The following PGBD2 variants were observed in gnomAD, a reference collection of about 807,000 sequenced individuals.
PGBD2 encodes the protein piggyBac transposable element derived 2.
PGBD2 carries 6 observed loss-of-function variants against 8.1 expected under a neutral mutation model. The observed-to-expected ratio is 0.74, with a 90% confidence interval of 0.40 to 1.46. The LOEUF is 1.46. Ranked by LOEUF, PGBD2 falls within the 40% of genes most tolerant of loss-of-function variation. PGBD2 has a pLI of 0.02. For missense variants in PGBD2, 802 were observed against 739.0 expected, an observed-to-expected ratio of 1.09 and a Z score of -0.99; for synonymous variants, 318 against 272.2, an observed-to-expected ratio of 1.17 and a Z score of -1.66.
At chr1:248,902,774 A>T (rs1661557181), upstream of PGBD2, among the ~76,000 whole-genome samples, 1 of 152,040 alleles carries the variant, frequency 6.6e-6, no homozygotes, top group Admixed American at 6.5e-5. Flanking sequence ...ACATGTTCTC[A>T]CTTATAAGTG....
intron 1 of PGBD2, 135 bp downstream of exon 1, chr1:248,906,477 G>A (rs1041675841): frequency 3.3e-5 from 5 of 151,822 alleles, no homozygotes; most frequent in African/African-American, 1.2e-4. Context: ...GTGGGCTGGC[G>A]GGACCAGGAC....
chr1:248,888,731 T>A, the PGBD2 span, among the ~76,000 whole-genome samples: 1 of 152,224 alleles, frequency 6.6e-6, no homozygotes, highest in South Asian at 2.1e-4. Context: ...GTGCAGAAGC[T>A]CTTTAGTTTA....
chr1:248,916,863 G>C lies in PGBD2; in HGVS notation c.279G>C (p.Leu93=), dbSNP rs751427211. ...DSGTGEDNDD[L]ELQPAKKRQK... The stretch of plus-strand genomic sequence containing the variant: ...GCACCGGGGAGGATAATGACGACCT[G>C]GAGCTGCAGCCAGCCAAGAAGAGGC... Residue 93 remains leucine (L), a synonymous_variant, in exon 3 of 3, where the codon CTG becomes CTC. Transcript: ENST00000329291. The C allele has an allele frequency of 6.2e-7, 1 of 1,614,102 alleles. No individual in the cohort carries two copies. The highest frequency in any genetic ancestry group is 1.1e-5 in the South Asian group (1 of 91,078).
the PGBD2 span, among the ~76,000 whole-genome samples, chr1:248,880,824 G>A: frequency 6.6e-6 from 1 of 152,158 alleles, no homozygotes; most frequent in Non-Finnish European, 1.5e-5. Flanking sequence ...AAAATTTGCA[G>A]TTGGTGTCTG....
chr1:248,908,365 C>T (rs1002347854), intron 1 of PGBD2, among the ~76,000 whole-genome samples: 2 of 152,162 alleles, frequency 1.3e-5, no homozygotes, highest in Non-Finnish European at 2.9e-5. Flanking sequence ...TGACCACCCT[C>T]TGCTCTTCCT....
upstream of PGBD2, among the ~76,000 whole-genome samples, chr1:248,901,895 G>A (rs540200976): frequency 6.6e-6 from 1 of 152,150 alleles, no homozygotes; most frequent in African/African-American, 2.4e-5. Context: ...GAGTCTACAA[G>A]GAATAAAAAC....
At chr1:248,876,140 C>T in the PGBD2 span, among the ~76,000 whole-genome samples, 4 of 151,974 alleles carry the variant, frequency 2.6e-5, no homozygotes, top group Admixed American at 6.6e-5. Context: ...TCCCGAGTAG[C>T]TGGGATTACA....
intron 1 of PGBD2, among the ~76,000 whole-genome samples, chr1:248,908,564 G>T (rs1661744694): frequency 1.3e-5 from 2 of 152,008 alleles, no homozygotes; most frequent in Admixed American, 1.3e-4. Flanking sequence ...CCACCCTTTT[G>T]CCGTAGCCTT....
In PGBD2 at chr1:248,918,197, G is replaced by A; in HGVS notation, c.1613G>A (p.Ser538Asn). Reference sequence around the variant, plus strand: ...GACACAACATCTCAAGGGAGGCGAAGCAGGCGGTTGGAGACTGAGAGCCGC... The same window carrying A: ...GACACAACATCTCAAGGGAGGCGAAACAGGCGGTTGGAGACTGAGAGCCGC... ...NADTTSQGRR[S>N]RRLETESRFD... Residue 538 changes from serine to asparagine, a missense_variant, in exon 3 of 3, where the codon AGC becomes AAC. Transcript: ENST00000329291. The A allele has an allele frequency of 6.2e-7, 1 of 1,614,184 alleles. No homozygotes were observed. Among genetic ancestry groups the A allele is most frequent in the Non-Finnish European group, 8.5e-7 (1 of 1,180,024 alleles).
the PGBD2 span, among the ~76,000 whole-genome samples, chr1:248,883,163 G>T: frequency 6.6e-6 from 1 of 152,120 alleles, no homozygotes; most frequent in South Asian, 2.1e-4. Context: ...CACTCCTGTT[G>T]CCCAGGCTGG....
chr1:248,873,804 C>T, the PGBD2 span, among the ~76,000 whole-genome samples: 1 of 152,224 alleles, frequency 6.6e-6, no homozygotes, highest in Admixed American at 6.5e-5. Flanking sequence ...GGCAGGCTGG[C>T]ACCAGCGGAC....
intron 1 of PGBD2, among the ~76,000 whole-genome samples, chr1:248,909,550 G>A (rs1285047162): frequency 6.6e-6 from 1 of 152,146 alleles, no homozygotes; most frequent in African/African-American, 2.4e-5. Flanking sequence ...TGATTAATTT[G>A]GTTCAGCGAG....
At chr1:248,876,877 A>T in the PGBD2 span, among the ~76,000 whole-genome samples, 1 of 152,130 alleles carries the variant, frequency 6.6e-6, no homozygotes, top group Non-Finnish European at 1.5e-5. Context: ...TAATATAGTC[A>T]TGTTTTTTGG....
the PGBD2 span, among the ~76,000 whole-genome samples, chr1:248,899,056 A>C: frequency 6.6e-6 from 1 of 152,212 alleles, no homozygotes; most frequent in Non-Finnish European, 1.5e-5. Flanking sequence ...GGAGTTAACT[A>C]TCCTAAATAT....
chr1:248,888,426 A>G, the PGBD2 span, among the ~76,000 whole-genome samples: 2 of 152,160 alleles, frequency 1.3e-5, no homozygotes, highest in Non-Finnish European at 2.9e-5. Flanking sequence ...GTTACTTTTT[A>G]GTAATACTCA....
At chr1:248,891,222 T>C in the PGBD2 span, among the ~76,000 whole-genome samples, 1 of 152,356 alleles carries the variant, frequency 6.6e-6, no homozygotes, top group Middle Eastern at 3.4e-3. Context: ...ACTACATTAA[T>C]GGTTCTCTCA....
the PGBD2 span, among the ~76,000 whole-genome samples, chr1:248,893,927 T>C: frequency 1.1e-4 from 16 of 152,346 alleles, no homozygotes; most frequent in East Asian, 3.1e-3. Flanking sequence ...AATTGATTGA[T>C]TGATTAAAGA....
the PGBD2 span, among the ~76,000 whole-genome samples, chr1:248,895,068 G>C: frequency 6.6e-6 from 1 of 152,102 alleles, no homozygotes; most frequent in African/African-American, 2.4e-5. Context: ...GCCTCCCAAA[G>C]TGTTGGAATT....
At chr1:248,915,495 G>A (rs1307535457) in intron 2 of PGBD2, among the ~76,000 whole-genome samples, 1 of 152,212 alleles carries the variant, frequency 6.6e-6, no homozygotes, top group African/African-American at 2.4e-5. Context: ...AATGTTCTGA[G>A]CACGATTAAG....
Sources: allele counts gnomAD v4.1 joint callset (sites outside exome capture counted in the v4.1 genomes callset), GRCh38; gene constraint gnomAD v4.1.1; transcripts MANE v1.5; gene names NCBI Gene and HGNC (gene_info 2026-07-23, HGNC 2026-07-21).